The following EYA3 variants were observed in gnomAD, a reference collection of about 807,000 sequenced individuals.
The protein encoded by EYA3 is protein phosphatase EYA3.
EYA3 carries 39 observed loss-of-function variants against 80.0 expected under a neutral mutation model. The observed-to-expected ratio is 0.49, with a 90% CI of 0.38 to 0.64. The LOEUF (loss-of-function observed/expected upper bound fraction) is 0.64. EYA3 is among the 30% of genes least tolerant of loss of function. EYA3 has a pLI of 0.00. For missense variants in EYA3, 523 were observed against 676.1 expected (o/e 0.77, Z 2.51); for synonymous variants, 206 against 232.8 (o/e 0.88, Z 1.05).
At chr1:28,083,433 T>C (rs1645501819) in intron 1 of EYA3, among the ~76,000 whole-genome samples, 1 of 151,886 alleles carries the variant, frequency 6.6e-6, no homozygotes, top group African/African-American at 2.4e-5. Context: ...GGCAGGAGAA[T>C]CACTTGAGCC....
intron 14 of EYA3, 24 bp from the exon 15 acceptor site, chr1:27,989,835 T>A: frequency 1.4e-6 from 2 of 1,464,962 alleles, no homozygotes; most frequent in Non-Finnish European, 9.4e-7. Flanking sequence ...AGCAGACACA[T>A]TTATCATTTG....
chr1:27,989,812 CT>C lies in EYA3; in HGVS notation c.1304-2del, dbSNP rs765181056. The C allele has an allele frequency of 1.4e-5, 22 of 1,575,450 alleles. No homozygotes were observed. The African/African-American group carries it at 2.2e-4, about 16-fold the overall frequency. On this transcript the variant is annotated splice_acceptor_variant, in intron 14 of 17. Coordinates refer to ENST00000373871, the MANE Select transcript of EYA3 (RefSeq NM_001990.4). LOFTEE classifies it high-confidence loss of function. ...TCCTTCCTCTGGGGACTGAGGAGAC[CT>C]TTAGGAATAAAAGCAGACACATTTA...
chr1:28,042,757 A>G, intron 3 of EYA3, 107 bp from the exon 4 acceptor site: 3 of 860,026 alleles, frequency 3.5e-6, no homozygotes. Context: ...TAAGAGGCAA[A>G]GTAAATCTTC....
At chr1:28,040,031 G>A (rs927921520) in intron 4 of EYA3, among the ~76,000 whole-genome samples, 1 of 152,082 alleles carries the variant, frequency 6.6e-6, no homozygotes, top group Non-Finnish European at 1.5e-5. Flanking sequence ...AACATCCTAG[G>A]AGACTGAGGC....
chr1:27,989,366 G>C (rs1639881104), intron 15 of EYA3, among the ~76,000 whole-genome samples: 1 of 152,142 alleles, frequency 6.6e-6, no homozygotes, highest in African/African-American at 2.4e-5. Context: ...CCTGTACCTA[G>C]GACATTGTAA....
Position 28,035,535 on chromosome 1 carries a change from G to C in EYA3, c.361+9C>G. ...ATTCTTAGAAATTGTTTACAATACAGTGCCTTACCAAAAGGAGGTAGTCCA... is the reference window on the plus strand; with the variant it reads ...ATTCTTAGAAATTGTTTACAATACACTGCCTTACCAAAAGGAGGTAGTCCA... On this transcript the variant is annotated intron_variant, in intron 6 of 17. Coordinates refer to ENST00000373871, the MANE Select transcript of EYA3 (RefSeq NM_001990.4). 6.2e-7 allele frequency: 1 copy of C among 1,612,094 alleles called. No homozygotes were observed.
At chr1:27,990,461 A>C (rs1322460797) in intron 14 of EYA3, 1 of 152,206 alleles carries the variant, frequency 6.6e-6, no homozygotes, top group African/African-American at 2.4e-5. Context: ...TTCTCCTTGA[A>C]CATCTCCTAA....
At chr1:28,000,098 G>C in intron 11 of EYA3, 49 bp from the exon 12 acceptor site, 1 of 1,350,246 alleles carries the variant, frequency 7.4e-7, no homozygotes, top group Non-Finnish European at 1.0e-6. Context: ...TCACAGTCCT[G>C]GTTCTAATCT....
rs1638826003 is a variant in EYA3, at chr1:27,974,146, T to C, written c.*320A>G. On this transcript the variant is annotated 3_prime_UTR_variant, in exon 18 of 18. Transcript: ENST00000373871. ...TGCAGTGAGTCCATTGTTCTCTCTA[T>C]CCAACTGTCCCTGCTTCTGTATGGA... 5.5e-6 allele frequency: 1 copy of C among 181,046 alleles called. No individual in the cohort carries two copies. The highest frequency in any genetic ancestry group is 2.3e-5 in the African/African-American group (1 of 42,698). The allele number at this position is 181,046 out of a possible 1,614,324, so 11.2% of individuals were successfully genotyped here.
At chr1:28,054,904 T>A (rs1644385152) in intron 2 of EYA3, among the ~76,000 whole-genome samples, 1 of 152,172 alleles carries the variant, frequency 6.6e-6, no homozygotes, top group Admixed American at 6.5e-5. Flanking sequence ...TGTTTTAATT[T>A]AAAGGTGATG....
In EYA3 at chr1:28,019,466, T is replaced by C. The variant is rs933796223; in HGVS notation, c.500-2227A>G. ...CTCTGTAAATGGTTTTAACCATTCT[T>C]GTAGGAAAAGAATTTTGAATGGTTT... On this transcript the variant is annotated intron_variant, in intron 7 of 17. Transcript: ENST00000373871. Among the ~76,000 whole-genome samples the C allele has an allele frequency of 3.9e-5, 6 of 152,214 alleles. No homozygotes were observed. The South Asian group carries it at 1.2e-3, about 31-fold the overall frequency.
chr1:28,084,683 A>G (rs1369417659), intron 1 of EYA3, among the ~76,000 whole-genome samples: 1 of 133,094 alleles, frequency 7.5e-6, no homozygotes, highest in Non-Finnish European at 1.5e-5. Flanking sequence ...ATCTCAGCTC[A>G]CTGCAACCTC....
chr1:28,014,732 A>C (rs550315029), intron 8 of EYA3, among the ~76,000 whole-genome samples: 16 of 152,156 alleles, frequency 1.1e-4, no homozygotes, highest in African/African-American at 3.6e-4. Flanking sequence ...TGTCTCAAAA[A>C]AAAAAAAAGG....
At chr1:28,005,465 G>T (rs1641197264) in intron 10 of EYA3, among the ~76,000 whole-genome samples, 1 of 152,146 alleles carries the variant, frequency 6.6e-6, no homozygotes, top group Admixed American at 6.5e-5. Flanking sequence ...TGTAAACCTA[G>T]CACTGTGAGA....
chr1:27,997,520 C>T, intron 12 of EYA3, 142 bp from the exon 13 acceptor site: 2 of 727,092 alleles, frequency 2.8e-6, no homozygotes, highest in Non-Finnish European at 4.8e-6. Context: ...ATCACTCTCA[C>T]ACCCCTTGCT....
chr1:28,041,471 T>C (rs938995923), intron 4 of EYA3, among the ~76,000 whole-genome samples: 5 of 152,076 alleles, frequency 3.3e-5, no homozygotes, highest in Admixed American at 3.3e-4. Flanking sequence ...GAGAATCACT[T>C]GAACCCGGGA....
chr1:28,077,104 CTTTT>C (rs377204823), intron 1 of EYA3, among the ~76,000 whole-genome samples: 1 of 114,066 alleles, frequency 8.8e-6, no homozygotes, highest in Non-Finnish European at 1.8e-5. Flanking sequence ...ACAAAACAAT[CTTTT>C]TTTTTTTTTT....
rs766302713 is a variant in EYA3, at chr1:27,997,307, T to G, written c.1142+13A>C. On this transcript the variant is annotated intron_variant, in intron 13 of 17. Transcript: ENST00000373871. ...CAGGTGTACTGGTGTTCAAGAATCA[T>G]TATGTTTATCACCTCAAGTCTTGGC... 1 of 1,612,610 alleles carries G rather than the reference T, an allele frequency of 6.2e-7. No individual in the cohort carries two copies. The highest frequency in any genetic ancestry group is 8.5e-7 in the Non-Finnish European group (1 of 1,178,580).
intron 8 of EYA3, among the ~76,000 whole-genome samples, chr1:28,016,154 G>A (rs1642048036): frequency 6.6e-6 from 1 of 152,142 alleles, no homozygotes; most frequent in African/African-American, 2.4e-5. Context: ...TCAAAAAGAA[G>A]AGCTATGAGA....
Sources: gnomAD v4.1 joint callset for allele counts (sites outside exome capture counted in the v4.1 genomes callset) on GRCh38, gnomAD v4.1.1 for gene constraint, MANE v1.5 for transcripts, NCBI Gene and HGNC (gene_info 2026-07-23, HGNC 2026-07-21) for gene names.